Variants in RUNDC3B observed in about 807,000 individuals in gnomAD.
RUNDC3B encodes RUN domain-containing protein 3B.
Under a neutral mutation model 58.4 loss-of-function variants are expected in RUNDC3B, and 33 were observed. The ratio of observed to expected loss-of-function variants is 0.56; its 90% CI spans 0.43 to 0.75. The LOEUF (loss-of-function observed/expected upper bound fraction) is 0.75, where lower values mean the gene tolerates loss of function less well. RUNDC3B is among the 30% of genes least tolerant of loss of function. The pLI is 0.00. For missense variants in RUNDC3B, 501 were observed against 535.7 expected (o/e 0.94, Z 0.64); for synonymous variants, 193 against 195.2 (o/e 0.99, Z 0.10).
At chr7:87,649,957 C>T (rs1823412432) in intron 1 of RUNDC3B, among the ~76,000 whole-genome samples, 1 of 152,136 alleles carries the variant, frequency 6.6e-6, no homozygotes, top group Non-Finnish European at 1.5e-5. Flanking sequence ...TGAGGCCTTC[C>T]CAGCCATGTA....
intron 7 of RUNDC3B, among the ~76,000 whole-genome samples, chr7:87,771,466 C>T (rs1405153219): frequency 2.0e-5 from 3 of 152,022 alleles, no homozygotes; most frequent in East Asian, 1.9e-4. Context: ...TTTTCATGCG[C>T]TATTAAAGAC....
intron 2 of RUNDC3B, among the ~76,000 whole-genome samples, chr7:87,697,483 C>T (rs565298219): frequency 8.4e-4 from 128 of 152,244 alleles, no homozygotes; most frequent in African/African-American, 3.0e-3. Context: ...GAGGAAGTAA[C>T]TTTAGAATGG....
chr7:87,664,819 A>G (rs2130475755), intron 2 of RUNDC3B, among the ~76,000 whole-genome samples: 1 of 152,308 alleles, frequency 6.6e-6, no homozygotes, highest in South Asian at 2.1e-4. Context: ...ATTTGACAAA[A>G]TAATAGCTAT....
intron 8 of RUNDC3B, among the ~76,000 whole-genome samples, chr7:87,806,579 AT>A (rs1289794870): frequency 6.6e-6 from 1 of 152,192 alleles, no homozygotes; most frequent in East Asian, 1.9e-4. Context: ...TAAATGTTGA[AT>A]TAATCCTGTG....
intron 1 of RUNDC3B, among the ~76,000 whole-genome samples, chr7:87,629,967 A>G (rs1314366378): frequency 1.3e-5 from 2 of 152,014 alleles, no homozygotes; most frequent in East Asian, 3.9e-4. Flanking sequence ...GTATTCAGAG[A>G]TAACTGGTTT....
chr7:87,662,604 T>C (rs1824824319), intron 2 of RUNDC3B, among the ~76,000 whole-genome samples: 1 of 152,172 alleles, frequency 6.6e-6, no homozygotes, highest in Non-Finnish European at 1.5e-5. Flanking sequence ...TCTGTTCCAT[T>C]GGTCTATGTA....
At chr7:87,717,033 A>ATTTTT (rs1830588869) in intron 4 of RUNDC3B, among the ~76,000 whole-genome samples, 1 of 152,162 alleles carries the variant, frequency 6.6e-6, no homozygotes, top group African/African-American at 2.4e-5. Context: ...TCCTGTGCTC[A>ATTTTT]AGTATCCTCT....
rs1820857515 is a variant in RUNDC3B, at chr7:87,628,622, T to TGG, written c.-201_-200insGG. On this transcript the variant is annotated 5_prime_UTR_variant, in exon 1 of 11. Coordinates refer to ENST00000394654, the MANE Select transcript of RUNDC3B (RefSeq NM_001134405.2). ...GTGTGTGTGTGTGTGTGTGTGTGTG[T>TGG]GTGGAGCTCGGGTGCCAAGGGCGAG... The TGG allele has an allele frequency of 1.3e-5, 4 of 316,740 alleles. No homozygotes were observed. The highest frequency in any genetic ancestry group is 2.2e-5 in the Non-Finnish European group (4 of 179,942). 19.6% of individuals were successfully genotyped at this position (316,740 alleles called of 1,614,324 possible).
chr7:87,690,895 G>A (rs1827950617), intron 2 of RUNDC3B, among the ~76,000 whole-genome samples: 2 of 151,616 alleles, frequency 1.3e-5, no homozygotes, highest in Non-Finnish European at 2.9e-5. Context: ...TTTATATAAA[G>A]GTATCTACCT....
At chr7:87,669,896 T>A (rs1237703681) in intron 2 of RUNDC3B, among the ~76,000 whole-genome samples, 1 of 152,184 alleles carries the variant, frequency 6.6e-6, no homozygotes, top group Non-Finnish European at 1.5e-5. Context: ...TCTAGCTGCC[T>A]TTAAAAGTCT....
intron 4 of RUNDC3B, among the ~76,000 whole-genome samples, chr7:87,716,068 AATTG>A (rs1183892671): frequency 6.6e-6 from 1 of 152,156 alleles, no homozygotes; most frequent in African/African-American, 2.4e-5. Context: ...GGCAAAAATT[AATTG>A]ATTAATTAAT....
chr7:87,756,296 C>A (rs1296596929), intron 6 of RUNDC3B, among the ~76,000 whole-genome samples: 1 of 151,758 alleles, frequency 6.6e-6, no homozygotes, highest in Non-Finnish European at 1.5e-5. Context: ...TTTAATCTTT[C>A]TTTATTCATA....
At chr7:87,674,914 G>A (rs1339504033) in intron 2 of RUNDC3B, among the ~76,000 whole-genome samples, 3 of 152,196 alleles carry the variant, frequency 2.0e-5, no homozygotes, top group African/African-American at 7.2e-5. Context: ...AAGCCTTGGG[G>A]GAGGGGCATC....
At chr7:87,774,442 T>G (rs1038717557) in intron 7 of RUNDC3B, among the ~76,000 whole-genome samples, 1 of 152,052 alleles carries the variant, frequency 6.6e-6, no homozygotes, top group African/African-American at 2.4e-5. Flanking sequence ...CAAGAGATAA[T>G]TATTTGCAAA....
intron 4 of RUNDC3B, among the ~76,000 whole-genome samples, chr7:87,736,587 G>C (rs1831946301): frequency 1.3e-5 from 2 of 151,210 alleles, no homozygotes. Flanking sequence ...TTTTTTCCCA[G>C]ATCACAGTAG....
intron 10 of RUNDC3B, among the ~76,000 whole-genome samples, chr7:87,820,162 G>A (rs1318829475): frequency 1.3e-5 from 2 of 152,102 alleles, no homozygotes; most frequent in East Asian, 3.9e-4. Flanking sequence ...AAGAAGAAAA[G>A]AGAGAAGAAT....
At chr7:87,646,761 G>T (rs1823043250) in intron 1 of RUNDC3B, among the ~76,000 whole-genome samples, 1 of 149,560 alleles carries the variant, frequency 6.7e-6, no homozygotes, top group African/African-American at 2.4e-5. Context: ...CATTATTCTT[G>T]TGTATTGTCA....
At chr7:87,706,458 C>G (rs1829595250) in intron 3 of RUNDC3B, among the ~76,000 whole-genome samples, 1 of 151,990 alleles carries the variant, frequency 6.6e-6, no homozygotes. Context: ...CAATCAGGTT[C>G]CAGTGATAAC....
intron 2 of RUNDC3B, among the ~76,000 whole-genome samples, chr7:87,694,568 A>G (rs559651049): frequency 2.0e-5 from 3 of 152,326 alleles, no homozygotes; most frequent in Admixed American, 6.5e-5. Context: ...AATTCCCACA[A>G]TTAATCCTTT....
Sources: gnomAD v4.1 joint callset for allele counts (sites outside exome capture counted in the v4.1 genomes callset) on GRCh38, gnomAD v4.1.1 for gene constraint, MANE v1.5 for transcripts, NCBI Gene and HGNC (gene_info 2026-07-23, HGNC 2026-07-21) for gene names.